MMAA: variants seen among roughly 807,000 people sequenced by gnomAD.
The protein encoded by MMAA is methylmalonic aciduria type A protein, mitochondrial.
In MMAA, 41 loss-of-function variants were observed where a neutral mutation model predicts 45.0. The ratio of observed to expected loss-of-function variants is 0.91; its 90% CI spans 0.71 to 1.18. The LOEUF (loss-of-function observed/expected upper bound fraction) is 1.18, where lower values mean the gene tolerates loss of function less well. Among genes scored for constraint, MMAA ranks in the 50% most tolerant of loss-of-function variants. The probability of loss-of-function intolerance (pLI) is 0.00; values close to 1 mark genes in which losing one functional copy is unlikely to be tolerated. For missense variants in MMAA, 460 were observed against 495.7 expected, an observed-to-expected ratio of 0.93 and a Z score of 0.68; for synonymous variants, 154 against 178.2, an observed-to-expected ratio of 0.86 and a Z score of 1.08.
chr4:145,645,737 G>A (rs1393004260), intron 3 of MMAA, among the ~76,000 whole-genome samples: 1 of 152,210 alleles, frequency 6.6e-6, no homozygotes, highest in East Asian at 1.9e-4. Context: ...GGACAGGTAA[G>A]GTGCGGCTGA....
intron 1 of MMAA, among the ~76,000 whole-genome samples, chr4:145,632,287 TG>T (rs1367264275): frequency 2.6e-5 from 4 of 152,256 alleles, no homozygotes; most frequent in African/African-American, 9.6e-5. Context: ...AGTGTACATT[TG>T]TTTTTTTCCC....
At chr4:145,636,102 G>T (rs887035225) in intron 1 of MMAA, among the ~76,000 whole-genome samples, 2 of 152,210 alleles carry the variant, frequency 1.3e-5, no homozygotes, top group Non-Finnish European at 2.9e-5. Flanking sequence ...TCTGAAAGTG[G>T]CTGGTAGACT....
At chr4:145,630,002 G>C (rs1034525725) in intron 1 of MMAA, among the ~76,000 whole-genome samples, 1 of 152,044 alleles carries the variant, frequency 6.6e-6, no homozygotes, top group Non-Finnish European at 1.5e-5. Context: ...TTGGGTATCA[G>C]AGTAATACTG....
chr4:145,638,686 A>T (rs532367690), intron 1 of MMAA, among the ~76,000 whole-genome samples: 9 of 148,604 alleles, frequency 6.1e-5, no homozygotes, highest in African/African-American at 2.2e-4. Flanking sequence ...AGAGAGATTC[A>T]TTTTTTTTTT....
At chr4:145,624,664 G>T (rs1159082215) in intron 1 of MMAA, 2 of 1,459,660 alleles carry the variant, frequency 1.4e-6, no homozygotes, top group Non-Finnish European at 1.9e-6. Flanking sequence ...GAATCTTTAT[G>T]TTTCTCAGGC....
chr4:145,626,857 A>G (rs1174739302), intron 1 of MMAA, among the ~76,000 whole-genome samples: 1 of 152,206 alleles, frequency 6.6e-6, no homozygotes, highest in Non-Finnish European at 1.5e-5. Flanking sequence ...CAGATGCTCC[A>G]AAGAGTTGGG....
intron 1 of MMAA, among the ~76,000 whole-genome samples, chr4:145,631,726 T>C (rs1254132717): frequency 6.6e-6 from 1 of 152,150 alleles, no homozygotes; most frequent in African/African-American, 2.4e-5. Flanking sequence ...TTCTTTCCTG[T>C]CTTCATTTTA....
intron 1 of MMAA, among the ~76,000 whole-genome samples, chr4:145,630,607 A>G (rs192012548): frequency 1.3e-5 from 2 of 152,312 alleles, no homozygotes; most frequent in East Asian, 3.9e-4. Flanking sequence ...ACATGCCTGT[A>G]ATCCCAGCTA....
chr4:145,625,415 C>T, intron 1 of MMAA: 1 of 704,540 alleles, frequency 1.4e-6, no homozygotes, highest in East Asian at 3.0e-5. Context: ...GGCAGGTTTG[C>T]TTCCAAGGAG....
Position 145,655,669 on chromosome 4 carries a change from G to A in MMAA, c.*235G>A. The A allele has an allele frequency of 2.4e-6, 1 of 419,678 alleles. No individual in the cohort carries two copies. Among genetic ancestry groups the A allele is most frequent in the South Asian group, 3.7e-5 (1 of 27,044 alleles). 26.0% of individuals were successfully genotyped at this position (419,678 alleles called of 1,614,324 possible). On this transcript the variant is annotated 3_prime_UTR_variant, in exon 7 of 7. Transcript: ENST00000649156. ...CTGTTTCCTTCTCTTCTTATACCCT[G>A]GCATGGTGGCCTGTAGGGTAGTTTC...
chr4:145,632,890 T>C (rs1727496954), intron 1 of MMAA, among the ~76,000 whole-genome samples: 1 of 151,960 alleles, frequency 6.6e-6, no homozygotes, highest in Non-Finnish European at 1.5e-5. Flanking sequence ...CCTGAGTAAC[T>C]GGGACTACAG....
At chr4:145,641,752 C>G (rs535074192) in intron 2 of MMAA, among the ~76,000 whole-genome samples, 1 of 152,312 alleles carries the variant, frequency 6.6e-6, no homozygotes, top group Non-Finnish European at 1.5e-5. Flanking sequence ...TGAGAACTGG[C>G]TGCGTGGCTT....
chr4:145,628,663 A>C (rs1047737653), intron 1 of MMAA, among the ~76,000 whole-genome samples: 2 of 152,236 alleles, frequency 1.3e-5, no homozygotes, highest in African/African-American at 4.8e-5. Context: ...TCCATCTGCA[A>C]CTTTAATTCC....
rs1728246139 is a variant in MMAA at position 145,656,823 on chromosome 4, G to C, written c.*1389G>C. On this transcript the variant is annotated 3_prime_UTR_variant, in exon 7 of 7. Transcript: ENST00000649156. ...GCTTGCATTGTTACTTACTGTACTG[G>C]AATCAAACCTCTTGAGCATTATTTT... The C allele has an allele frequency of 6.6e-6, 1 of 152,108 alleles. No homozygotes were observed. The highest frequency in any genetic ancestry group is 2.1e-4 in the South Asian group (1 of 4,818). 9.4% of individuals were successfully genotyped at this position (152,108 alleles called of 1,614,324 possible).
intron 1 of MMAA, among the ~76,000 whole-genome samples, chr4:145,628,751 C>T (rs760618195): frequency 2.6e-5 from 4 of 152,152 alleles, no homozygotes; most frequent in Non-Finnish European, 5.9e-5. Context: ...CATTATTCTG[C>T]CTATCATAGT....
chr4:145,655,047 T>A, intron 6 of MMAA, 100 bp from the exon 7 acceptor site: 1 of 1,311,478 alleles, frequency 7.6e-7, no homozygotes. Flanking sequence ...AATTGCCTAT[T>A]TTTGTAGACC....
Position 145,654,697 on chromosome 4 carries a change from T to A in MMAA, c.970-450T>A, listed in dbSNP as rs1325256443. Among the ~76,000 whole-genome samples the A allele has an allele frequency of 2.0e-5, 3 of 152,276 alleles. No individual in the cohort carries two copies. The East Asian group carries it at 5.8e-4, about 29-fold the overall frequency. On this transcript the variant is annotated intron_variant, in intron 6 of 6. Transcript: ENST00000649156. Reference sequence around the variant, plus strand: ...CTGCATTGAGTCTGGATTCACCTCATATATACATGCAGATGTCAGATACCC... The same window carrying A: ...CTGCATTGAGTCTGGATTCACCTCAAATATACATGCAGATGTCAGATACCC...
intron 6 of MMAA, among the ~76,000 whole-genome samples, 170 bp downstream of exon 6, chr4:145,654,313 C>T (rs1368201400): frequency 2.0e-5 from 3 of 151,968 alleles, no homozygotes; most frequent in African/African-American, 7.3e-5. Context: ...AAATATAATC[C>T]TTTAACCACT....
chr4:145,628,477 G>A (rs556284244), intron 1 of MMAA, among the ~76,000 whole-genome samples: 1 of 152,236 alleles, frequency 6.6e-6, no homozygotes, highest in South Asian at 2.1e-4. Flanking sequence ...TTGGTTCATG[G>A]CCCTTTTACT....
Sources: allele counts gnomAD v4.1 joint callset (sites outside exome capture counted in the v4.1 genomes callset), GRCh38; gene constraint gnomAD v4.1.1; transcripts MANE v1.5; gene names NCBI Gene and HGNC (gene_info 2026-07-23, HGNC 2026-07-21).